TMEM132D: variants seen among roughly 807,000 people sequenced by gnomAD.
The protein encoded by TMEM132D is mature OL transmembrane protein.
TMEM132D carries 21 observed loss-of-function variants against 62.3 expected under a neutral mutation model. The observed-to-expected ratio is 0.34, with a 90% CI of 0.24 to 0.49. The LOEUF is 0.49. TMEM132D is among the 20% of genes least tolerant of loss of function. The pLI, the probability that TMEM132D is intolerant of heterozygous loss-of-function variation, is 0.99. For missense variants in TMEM132D, 1,346 were observed against 1,402.8 expected (o/e 0.96, Z 0.65); for synonymous variants, 621 against 575.6 (o/e 1.08, Z -1.13).
At chr12:129,279,740 C>T (rs192407680) in intron 4 of TMEM132D, among the ~76,000 whole-genome samples, 4 of 152,310 alleles carry the variant, frequency 2.6e-5, no homozygotes, top group African/African-American at 4.8e-5. Context: ...ATTCTTCCCC[C>T]CAGCACTGCT....
chr12:129,136,816 C>A (rs1420390865), intron 5 of TMEM132D, among the ~76,000 whole-genome samples: 1 of 140,068 alleles, frequency 7.1e-6, no homozygotes, highest in African/African-American at 2.6e-5. Flanking sequence ...ATCATCATCA[C>A]ATCAATACCA....
chr12:129,428,125 A>G (rs1299348038), intron 3 of TMEM132D, among the ~76,000 whole-genome samples: 1 of 152,236 alleles, frequency 6.6e-6, no homozygotes, highest in East Asian at 1.9e-4. Context: ...AGAGAAAACC[A>G]GGAAGATGAA....
intron 3 of TMEM132D, among the ~76,000 whole-genome samples, chr12:129,488,073 C>T (rs1007624105): frequency 2.6e-5 from 4 of 151,864 alleles, no homozygotes; most frequent in African/African-American, 9.7e-5. Context: ...GTCCTCAGCA[C>T]AGCACCCAGG....
chr12:129,215,370 C>T (rs1879173154), intron 4 of TMEM132D, among the ~76,000 whole-genome samples: 1 of 152,120 alleles, frequency 6.6e-6, no homozygotes. Context: ...GGAAAAACAA[C>T]CAATGGGTAG....
chr12:129,091,577 C>T (rs1436178936), intron 5 of TMEM132D, among the ~76,000 whole-genome samples: 4 of 151,812 alleles, frequency 2.6e-5, no homozygotes, highest in Non-Finnish European at 5.9e-5. Context: ...GGAGAGCTTA[C>T]CTATCCTCAC....
intron 5 of TMEM132D, among the ~76,000 whole-genome samples, chr12:129,122,920 C>A (rs73416533): frequency 6.6e-6 from 1 of 152,172 alleles, no homozygotes; most frequent in South Asian, 2.1e-4. Flanking sequence ...CAGGAAAGTA[C>A]GGAGTATTTA....
chr12:129,700,272 C>A lies in TMEM132D; in HGVS notation c.506G>T (p.Arg169Met), dbSNP rs767873622. Residue 169 changes from arginine to methionine, a missense_variant, in exon 2 of 9, where the codon AGG (arginine) becomes ATG (methionine). Physicochemically the swap from Arg to Met is moderately conservative, Grantham distance 91 (BLOSUM62 -1). Coordinates refer to ENST00000422113, the MANE Select transcript of TMEM132D (RefSeq NM_133448.3). Reference protein sequence around the residue: ...RSAGEKLPCLRVFAFRETREV... With the variant: ...RSAGEKLPCLMVFAFRETREV... ...TCGGGTCTCTCGGAAAGCAAAGACCCTCAGGCACGGCAGCTTCTCCCCGGC... is the reference window on the plus strand; with the variant it reads ...TCGGGTCTCTCGGAAAGCAAAGACCATCAGGCACGGCAGCTTCTCCCCGGC... The A allele has an allele frequency of 6.2e-7, 1 of 1,613,558 alleles. No individual in the cohort carries two copies. Among genetic ancestry groups the A allele is most frequent in the Non-Finnish European group, 8.5e-7 (1 of 1,179,994 alleles).
intron 2 of TMEM132D, among the ~76,000 whole-genome samples, chr12:129,566,020 C>T (rs1877357971): frequency 6.6e-6 from 1 of 152,164 alleles, no homozygotes; most frequent in African/African-American, 2.4e-5. Context: ...CACTATACCG[C>T]ACACTGAATT....
chr12:129,769,918 G>C (rs1870678298), intron 1 of TMEM132D, among the ~76,000 whole-genome samples: 1 of 152,084 alleles, frequency 6.6e-6, no homozygotes, highest in Non-Finnish European at 1.5e-5. Context: ...AGGTCTTGCT[G>C]TGTCGCTGAG....
chr12:129,674,001 C>T (rs919925381), intron 2 of TMEM132D, among the ~76,000 whole-genome samples: 5 of 152,306 alleles, frequency 3.3e-5, no homozygotes, highest in Middle Eastern at 3.4e-3. Context: ...AGAAAACCCC[C>T]GCTGACAGTT....
At chr12:129,374,518 G>A (rs772152235) in intron 3 of TMEM132D, among the ~76,000 whole-genome samples, 23 of 152,102 alleles carry the variant, frequency 1.5e-4, no homozygotes, top group Admixed American at 1.2e-3. Flanking sequence ...GAGGGGATTC[G>A]GAGGTCTCTG....
At chr12:129,392,542 C>G (rs1275995573) in intron 3 of TMEM132D, among the ~76,000 whole-genome samples, 1 of 152,212 alleles carries the variant, frequency 6.6e-6, no homozygotes, top group Non-Finnish European at 1.5e-5. Context: ...TGACAACACC[C>G]TCCCTGTAAA....
Position 129,179,603 on chromosome 12 carries a change from C to T in TMEM132D, c.1443+29917G>A, listed in dbSNP as rs191367916. On this transcript the variant is annotated intron_variant, in intron 5 of 8. Coordinates refer to ENST00000422113, the MANE Select transcript of TMEM132D (RefSeq NM_133448.3). ...TTCCCTATGGAAAATGAACTCACAA[C>T]GAACCACAAAATTCACGGACTTTTC... Among the ~76,000 whole-genome samples, 129 of 152,306 alleles carry T rather than the reference C, an allele frequency of 8.5e-4. No homozygotes were observed. The Middle Eastern group carries it at 0.01, about 12-fold the overall frequency.
chr12:129,631,457 G>A (rs1407363379), intron 2 of TMEM132D, among the ~76,000 whole-genome samples: 1 of 152,184 alleles, frequency 6.6e-6, no homozygotes, highest in Non-Finnish European at 1.5e-5. Flanking sequence ...CAGAGGAAAC[G>A]AATCCAGACC....
intron 5 of TMEM132D, among the ~76,000 whole-genome samples, chr12:129,134,150 GTGTC>G (rs770002663): frequency 2.7e-4 from 40 of 149,430 alleles, no homozygotes; most frequent in Non-Finnish European, 4.3e-4. Context: ...GTGTGTGTCT[GTGTC>G]TGTGTGTGTG....
chr12:129,469,178 C>A (rs2137045841), intron 3 of TMEM132D, among the ~76,000 whole-genome samples: 1 of 152,324 alleles, frequency 6.6e-6, no homozygotes, highest in Non-Finnish European at 1.5e-5. Context: ...AATCAGAAAG[C>A]AAGAGTGACG....
intron 1 of TMEM132D, among the ~76,000 whole-genome samples, chr12:129,801,367 T>C (rs1871776263): frequency 7.6e-6 from 1 of 131,646 alleles, no homozygotes. Flanking sequence ...CTGCCTCAAG[T>C]GGGTCCCTGA....
chr12:129,522,065 G>A (rs895286085), intron 3 of TMEM132D, among the ~76,000 whole-genome samples: 1 of 152,172 alleles, frequency 6.6e-6, no homozygotes, highest in African/African-American at 2.4e-5. Flanking sequence ...AAGGTTCTAA[G>A]TAGGAATCTA....
intron 3 of TMEM132D, among the ~76,000 whole-genome samples, chr12:129,459,803 C>T (rs1873599330): frequency 1.3e-5 from 2 of 152,076 alleles, no homozygotes; most frequent in Non-Finnish European, 2.9e-5. Flanking sequence ...TATCTGTAGC[C>T]TATAGTGAAC....
Sources: gnomAD v4.1 joint callset for allele counts (sites outside exome capture counted in the v4.1 genomes callset) on GRCh38, gnomAD v4.1.1 for gene constraint, MANE v1.5 for transcripts, NCBI Gene and HGNC (gene_info 2026-07-23, HGNC 2026-07-21) for gene names.